EYA4: variants seen among roughly 807,000 people sequenced by gnomAD.
EYA4 encodes the protein EYA transcriptional coactivator and phosphatase 4, also known as protein phosphatase EYA4.
In EYA4, 31 loss-of-function variants were observed where a neutral mutation model predicts 87.9. The ratio of observed to expected loss-of-function variants is 0.35; its 90% CI spans 0.27 to 0.48. The LOEUF (loss-of-function observed/expected upper bound fraction) is 0.48. Among genes scored for constraint, EYA4 ranks in the 20% least tolerant of loss-of-function variants. The pLI is 0.99. For missense variants in EYA4, 678 were observed against 761.4 expected (o/e 0.89, Z 1.29); for synonymous variants, 263 against 270.6 (o/e 0.97, Z 0.28).
chr6:133,501,002 A>T (rs552499060), intron 13 of EYA4, among the ~76,000 whole-genome samples: 1 of 152,024 alleles, frequency 6.6e-6, no homozygotes, highest in East Asian at 1.9e-4. Context: ...CATTCTTAAA[A>T]TCCTTGTTTC....
intron 3 of EYA4, among the ~76,000 whole-genome samples, chr6:133,430,682 A>G (rs1035501610): frequency 2.0e-5 from 3 of 152,222 alleles, no homozygotes; most frequent in Non-Finnish European, 2.9e-5. Context: ...TGAGTAGTGC[A>G]GCAAAACCTG....
chr6:133,340,859 G>T (rs1782730789), intron 2 of EYA4, among the ~76,000 whole-genome samples: 1 of 152,154 alleles, frequency 6.6e-6, no homozygotes, highest in Non-Finnish European at 1.5e-5. Context: ...GCTGTGTGAA[G>T]AAAGGAATCA....
chr6:133,522,859 A>G lies in EYA4; in HGVS notation c.1617-197A>G, dbSNP rs527509277. On this transcript the variant is annotated intron_variant, in intron 17 of 19. Transcript: ENST00000355286. The stretch of plus-strand genomic sequence containing the variant: ...TATTTTGTAGAACTTTAAGCATCAC[A>G]GTATAGTCATGGGTTTGTATATTCT... Among the ~76,000 whole-genome samples the G allele has an allele frequency of 1.1e-4, 17 of 152,308 alleles. No individual in the cohort carries two copies. The Middle Eastern group carries it at 0.01, about 91-fold the overall frequency.
At chr6:133,320,211 C>G (rs1780976476) in intron 2 of EYA4, among the ~76,000 whole-genome samples, 1 of 148,404 alleles carries the variant, frequency 6.7e-6, no homozygotes, top group African/African-American at 2.5e-5. Flanking sequence ...CTGTTTTTCA[C>G]TTTATTTCTC....
intron 13 of EYA4, among the ~76,000 whole-genome samples, chr6:133,497,517 T>C (rs1797740153): frequency 6.6e-6 from 1 of 152,134 alleles, no homozygotes; most frequent in South Asian, 2.1e-4. Context: ...TGAGCCCTGC[T>C]GCTATGAGGC....
At chr6:133,501,423 T>C (rs1798106969) in intron 13 of EYA4, among the ~76,000 whole-genome samples, 1 of 152,056 alleles carries the variant, frequency 6.6e-6, no homozygotes, top group African/African-American at 2.4e-5. Context: ...AATAAATATA[T>C]GATGAATAAA....
At chr6:133,516,117 C>T (rs2128792377) in intron 17 of EYA4, among the ~76,000 whole-genome samples, 1 of 152,228 alleles carries the variant, frequency 6.6e-6, no homozygotes, top group South Asian at 2.1e-4. Flanking sequence ...GTACTGTCCG[C>T]TTCCATTATT....
chr6:133,307,625 C>A (rs1307255980), intron 2 of EYA4, among the ~76,000 whole-genome samples: 2 of 152,110 alleles, frequency 1.3e-5, no homozygotes, highest in Admixed American at 6.5e-5. Flanking sequence ...TGTTTGTTGC[C>A]TTATCCCTAT....
intron 2 of EYA4, among the ~76,000 whole-genome samples, chr6:133,367,476 G>A (rs1173054264): frequency 6.6e-6 from 1 of 152,134 alleles, no homozygotes; most frequent in Non-Finnish European, 1.5e-5. Context: ...ATCTTGATTC[G>A]CATATTACTT....
chr6:133,299,911 G>A (rs12175835), intron 2 of EYA4, among the ~76,000 whole-genome samples: 17,814 of 143,382 alleles, frequency 0.12, 1,342 homozygotes, highest in Non-Finnish European at 0.17. Flanking sequence ...ATATACATAT[G>A]TATATATAAA....
At chr6:133,326,453 T>C (rs1256592103) in intron 2 of EYA4, among the ~76,000 whole-genome samples, 13 of 152,200 alleles carry the variant, frequency 8.5e-5, no homozygotes, top group African/African-American at 3.1e-4. Context: ...AAATTGGAAA[T>C]CTGAAACACT....
At chr6:133,258,728 CG>C (rs1416471099) in intron 1 of EYA4, among the ~76,000 whole-genome samples, 1 of 151,936 alleles carries the variant, frequency 6.6e-6, no homozygotes, top group Non-Finnish European at 1.5e-5. Context: ...AGTTCTTTCC[CG>C]GGGGCTTTTT....
chr6:133,322,651 A>C (rs1435237546), intron 2 of EYA4, among the ~76,000 whole-genome samples: 1 of 152,216 alleles, frequency 6.6e-6, no homozygotes, highest in Admixed American at 6.5e-5. Context: ...GAATGTCAGC[A>C]GTAGGAGTTA....
chr6:133,380,412 G>A (rs939448320), intron 2 of EYA4, among the ~76,000 whole-genome samples: 3 of 152,090 alleles, frequency 2.0e-5, no homozygotes, highest in Admixed American at 6.6e-5. Flanking sequence ...AGTTCTTTGG[G>A]GTAATTATGC....
rs750324123 is a variant in EYA4, at chr6:133,253,206, C to T, written c.-66+11457C>T. On this transcript the variant is annotated intron_variant, in intron 1 of 19. Coordinates refer to ENST00000355286, the MANE Select transcript of EYA4 (RefSeq NM_004100.5). Reference sequence around the variant, plus strand: ...TGGAGGCCGTTCTCGGGGAGTGTTGCGGAGAATTTGAGACAGGGGTTTAAA... The same window carrying T: ...TGGAGGCCGTTCTCGGGGAGTGTTGTGGAGAATTTGAGACAGGGGTTTAAA... Among the ~76,000 whole-genome samples, 6 of 152,008 alleles carry T rather than the reference C, an allele frequency of 3.9e-5. No individual in the cohort carries two copies. The South Asian group carries it at 8.4e-4, about 21-fold the overall frequency.
rs1795835541 is a variant in EYA4, at chr6:133,477,377, G to A, written c.971-4086G>A. Among the ~76,000 whole-genome samples, 4 of 152,122 alleles carry A rather than the reference G, an allele frequency of 2.6e-5. No homozygotes were observed. The South Asian group carries it at 8.3e-4, about 32-fold the overall frequency. The stretch of plus-strand genomic sequence containing the variant: ...TTTCTTTGATAATGAGTCATGTTGA[G>A]CATTTTTCATACACCTGTTGTCATT... On this transcript the variant is annotated intron_variant, in intron 11 of 19. Transcript: ENST00000355286.
chr6:133,531,039 A>G lies in EYA4; in HGVS notation c.*2234A>G. 7.2e-7 allele frequency: 1 copy of G among 1,388,224 alleles called. No individual in the cohort carries two copies. The highest frequency in any genetic ancestry group is 9.3e-7 in the Non-Finnish European group (1 of 1,073,854). 86.0% of individuals were successfully genotyped at this position (1,388,224 alleles called of 1,614,324 possible). A position where few individuals can be genotyped will look rare whatever the true frequency, so the allele number is the denominator to read the frequency against. On this transcript the variant is annotated 3_prime_UTR_variant, in exon 20 of 20. Transcript: ENST00000355286. ...CTTTAAATGTTGATAGAATTGTGGC[A>G]TTACATCTAAATTTGTAAGTCTTTT...
At chr6:133,417,591 C>G (rs890133015) in intron 3 of EYA4, among the ~76,000 whole-genome samples, 1 of 152,074 alleles carries the variant, frequency 6.6e-6, no homozygotes, top group African/African-American at 2.4e-5. Context: ...TCTATATAGG[C>G]AAAAACACAT....
At chr6:133,489,640 T>A (rs1044241312) in intron 13 of EYA4, among the ~76,000 whole-genome samples, 5 of 152,042 alleles carry the variant, frequency 3.3e-5, no homozygotes, top group African/African-American at 7.2e-5. Context: ...AAACCATATT[T>A]ACCCTAGAAT....
Sources: allele counts gnomAD v4.1 joint callset (sites outside exome capture counted in the v4.1 genomes callset), GRCh38; gene constraint gnomAD v4.1.1; transcripts MANE v1.5; gene names NCBI Gene and HGNC (gene_info 2026-07-23, HGNC 2026-07-21).